Variants in DLGAP1 observed in about 807,000 individuals in gnomAD.
DLGAP1 encodes disks large-associated protein 1.
Under a neutral mutation model 90.8 loss-of-function variants are expected in DLGAP1, and 11 were observed. The observed-to-expected ratio is 0.12, with a 90% CI of 0.08 to 0.20. The LOEUF is 0.20. Ranked by LOEUF, DLGAP1 falls within the 10% of genes least tolerant of loss-of-function variation. The probability of loss-of-function intolerance (pLI) is 1.00; values close to 1 mark genes in which losing one functional copy is unlikely to be tolerated. For synonymous variants in DLGAP1, 558 were observed against 540.7 expected (o/e 1.03, Z -0.44); for missense variants, 1,050 against 1,333.8 (o/e 0.79, Z 3.31).
intron 1 of DLGAP1, among the ~76,000 whole-genome samples, chr18:4,170,120 T>C (rs946116652): frequency 9.9e-5 from 15 of 152,238 alleles, no homozygotes; most frequent in African/African-American, 3.4e-4. Flanking sequence ...CAAGTGATGA[T>C]GGTTTAGAGG....
At chr18:3,561,436 CAAAAAAAAA>C (rs68086553) in intron 9 of DLGAP1, among the ~76,000 whole-genome samples, 30 of 76,370 alleles carry the variant, frequency 3.9e-4, no homozygotes, top group African/African-American at 7.4e-4. Flanking sequence ...ACTCCATCTC[CAAAAAAAAA>C]AAAAAAAAAA....
At chr18:4,306,669 T>C (rs2080272438) in intron 1 of DLGAP1, among the ~76,000 whole-genome samples, 1 of 152,304 alleles carries the variant, frequency 6.6e-6, no homozygotes, top group South Asian at 2.1e-4. Flanking sequence ...TCCCAAATGA[T>C]ACGGAAGTTT....
rs566698950 is a variant in DLGAP1, at chr18:3,499,633, C to T, written c.2725-239G>A. On this transcript the variant is annotated intron_variant, in intron 12 of 12. Transcript: ENST00000315677. This position sits in a 1 kb window ranked among gnomAD's most constrained non-coding sequence, Gnocchi z 6.4. Reference sequence around the variant, plus strand: ...GTAAGGCTGGGTTGCAGAACTAGGTCTCTCCAAGGGAAGGAAGTGGGTATT... The same window carrying T: ...GTAAGGCTGGGTTGCAGAACTAGGTTTCTCCAAGGGAAGGAAGTGGGTATT... Among the ~76,000 whole-genome samples, 17 of 152,126 alleles carry T rather than the reference C, an allele frequency of 1.1e-4. No homozygotes were observed. The South Asian group carries it at 3.5e-3, about 32-fold the overall frequency.
chr18:4,094,542 C>A (rs2075641491), intron 2 of DLGAP1, among the ~76,000 whole-genome samples: 1 of 150,240 alleles, frequency 6.7e-6, no homozygotes, highest in African/African-American at 2.4e-5. Flanking sequence ...TAAATAAATT[C>A]AGTTTTTATA....
At chr18:3,913,119 T>C (rs2072070897) in intron 3 of DLGAP1, among the ~76,000 whole-genome samples, 1 of 152,170 alleles carries the variant, frequency 6.6e-6, no homozygotes, top group African/African-American at 2.4e-5. Flanking sequence ...TTTTGTTTTG[T>C]TTTGTTTTTG....
rs1008459408 is a variant in DLGAP1, at chr18:3,497,601, G to A, written c.*1584C>T. 2 of 152,194 alleles carry A rather than the reference G, an allele frequency of 1.3e-5. No individual in the cohort carries two copies. The highest frequency in any genetic ancestry group is 4.8e-5 in the African/African-American group (2 of 41,452). 9.4% of individuals were successfully genotyped at this position (152,194 alleles called of 1,614,324 possible). The stretch of plus-strand genomic sequence containing the variant: ...TAAAAAGCTTCTCTGGTGCAAGCAT[G>A]TTTGATGTATGTTTTTAAAAGTCTT... On this transcript the variant is annotated 3_prime_UTR_variant, in exon 13 of 13. Transcript: ENST00000315677.
intron 1 of DLGAP1, among the ~76,000 whole-genome samples, chr18:4,209,981 G>A (rs1196117595): frequency 2.0e-5 from 3 of 152,102 alleles, no homozygotes; most frequent in Non-Finnish European, 2.9e-5. Flanking sequence ...GCCATTATAT[G>A]GTTTTTCATG....
Position 3,755,024 on chromosome 18 carries a change from T to C in DLGAP1, c.1173-12512A>G, listed in dbSNP as rs1160615267. Among the ~76,000 whole-genome samples, 2 of 152,192 alleles carry C rather than the reference T, an allele frequency of 1.3e-5. 1 individual carries two copies. The highest frequency in any genetic ancestry group is 3.8e-4 in the East Asian group (2 of 5,206). Reference sequence around the variant, plus strand: ...AATGTAAAGACGCAGTATTAAATTATAACTGCTATAATTAATTGTAGTTCA... The same window carrying C: ...AATGTAAAGACGCAGTATTAAATTACAACTGCTATAATTAATTGTAGTTCA... On this transcript the variant is annotated intron_variant, in intron 5 of 12. Transcript: ENST00000315677.
At chr18:4,095,060 T>A (rs1385277388) in intron 2 of DLGAP1, among the ~76,000 whole-genome samples, 1 of 152,174 alleles carries the variant, frequency 6.6e-6, no homozygotes, top group Non-Finnish European at 1.5e-5. Flanking sequence ...AAAAGCAAGA[T>A]TCAGAATCTT....
intron 7 of DLGAP1, among the ~76,000 whole-genome samples, chr18:3,602,565 A>G (rs1265088853): frequency 7.1e-6 from 1 of 141,776 alleles, no homozygotes; most frequent in Non-Finnish European, 1.5e-5. Flanking sequence ...ACCGCACTCC[A>G]GCCTGGGCGA....
intron 1 of DLGAP1, among the ~76,000 whole-genome samples, chr18:4,334,648 A>C (rs1320270419): frequency 6.6e-6 from 1 of 151,912 alleles, no homozygotes; most frequent in Admixed American, 6.5e-5. Context: ...CTGTACAGGA[A>C]CACAAAATGC....
intron 2 of DLGAP1, among the ~76,000 whole-genome samples, chr18:4,030,396 G>A (rs2074776528): frequency 1.3e-5 from 2 of 152,164 alleles, no homozygotes; most frequent in African/African-American, 4.8e-5. Context: ...AGTATACCCT[G>A]AGAATGACCT....
intron 1 of DLGAP1, among the ~76,000 whole-genome samples, chr18:4,222,284 GC>G (rs2078093426): frequency 6.6e-6 from 1 of 152,016 alleles, no homozygotes. Context: ...TTAACCATTT[GC>G]CCTAAACCAT....
At chr18:4,301,441 C>T (rs1201950444) in intron 1 of DLGAP1, among the ~76,000 whole-genome samples, 1 of 152,188 alleles carries the variant, frequency 6.6e-6, no homozygotes, top group Non-Finnish European at 1.5e-5. Context: ...CAGTTCTATT[C>T]ATGTTGTCAC....
chr18:4,404,651 T>TA (rs2082625472), intron 1 of DLGAP1, among the ~76,000 whole-genome samples: 1 of 152,228 alleles, frequency 6.6e-6, no homozygotes, highest in South Asian at 2.1e-4. Context: ...TTATTCTACA[T>TA]AATTTTTTTC....
intron 3 of DLGAP1, among the ~76,000 whole-genome samples, chr18:3,938,893 C>A (rs994819324): frequency 6.6e-6 from 1 of 152,116 alleles, no homozygotes; most frequent in African/African-American, 2.4e-5. Context: ...ATAATCCAGG[C>A]TGGAGGTGAT....
chr18:3,626,594 T>TTTA (rs34579551), intron 7 of DLGAP1, among the ~76,000 whole-genome samples: 1 of 130,552 alleles, frequency 7.7e-6, no homozygotes, highest in Non-Finnish European at 1.7e-5. Flanking sequence ...AAGAACCTGT[T>TTTA]AAAAAAAAAA....
At chr18:4,416,131 A>T (rs1013785735) in intron 1 of DLGAP1, among the ~76,000 whole-genome samples, 1 of 152,202 alleles carries the variant, frequency 6.6e-6, no homozygotes, top group African/African-American at 2.4e-5. Flanking sequence ...TTGTAGTGAC[A>T]TATTAATACA....
At chr18:3,658,185 C>T (rs187046979) in intron 7 of DLGAP1, among the ~76,000 whole-genome samples, 63 of 152,168 alleles carry the variant, frequency 4.1e-4, no homozygotes, top group African/African-American at 1.4e-3. Context: ...TTCCACCATA[C>T]GGGTATGGTA....
Sources: gnomAD v4.1 joint callset for allele counts (sites outside exome capture counted in the v4.1 genomes callset) on GRCh38, gnomAD v4.1.1 for gene constraint, Gnocchi (gnomAD v3.1) non-coding constraint, MANE v1.5 for transcripts, NCBI Gene and HGNC (gene_info 2026-07-23, HGNC 2026-07-21) for gene names.